PARD3: variants seen among roughly 807,000 people sequenced by gnomAD.
PARD3 encodes the protein par-3 family cell polarity regulator, also known as partitioning defective 3 homolog.
PARD3 carries 75 observed loss-of-function variants against 155.4 expected under a neutral mutation model. The ratio of observed to expected loss-of-function variants is 0.48; its 90% CI spans 0.40 to 0.58. The LOEUF is 0.58. Ranked by LOEUF, PARD3 falls within the 20% of genes least tolerant of loss-of-function variation. The probability of loss-of-function intolerance (pLI) is 0.00; values close to 1 mark genes in which losing one functional copy is unlikely to be tolerated. For synonymous variants in PARD3, 576 were observed against 610.5 expected, an observed-to-expected ratio of 0.94 and a Z score of 0.83; for missense variants, 1,642 against 1,721.7, an observed-to-expected ratio of 0.95 and a Z score of 0.82.
intron 4 of PARD3, among the ~76,000 whole-genome samples, chr10:34,453,651 G>C (rs1042019267): frequency 6.6e-6 from 1 of 152,152 alleles, no homozygotes; most frequent in Non-Finnish European, 1.5e-5. Flanking sequence ...TGTATTTTTA[G>C]ATTTATACTA....
At chr10:34,364,349 A>G (rs975063755) in intron 12 of PARD3, among the ~76,000 whole-genome samples, 1 of 152,208 alleles carries the variant, frequency 6.6e-6, no homozygotes. Flanking sequence ...TTGTAACAAA[A>G]TACGTGACTC....
intron 2 of PARD3, among the ~76,000 whole-genome samples, chr10:34,645,951 T>A (rs2092824387): frequency 6.6e-6 from 1 of 152,244 alleles, no homozygotes; most frequent in South Asian, 2.1e-4. Context: ...TCTCTTTAAC[T>A]GATTAGCTCT....
intron 2 of PARD3, among the ~76,000 whole-genome samples, chr10:34,549,309 T>C (rs1029060205): frequency 3.9e-5 from 6 of 152,216 alleles, no homozygotes; most frequent in African/African-American, 1.4e-4. Context: ...AAATAATTTT[T>C]TCCTTTGAAA....
intron 20 of PARD3, among the ~76,000 whole-genome samples, chr10:34,303,676 T>C (rs1318086158): frequency 6.6e-6 from 1 of 151,980 alleles, no homozygotes; most frequent in African/African-American, 2.4e-5. Context: ...AAGGTCAGGT[T>C]TGAGGATCCC....
intron 2 of PARD3, among the ~76,000 whole-genome samples, chr10:34,643,683 A>T (rs1377209439): frequency 6.6e-6 from 1 of 152,234 alleles, no homozygotes; most frequent in East Asian, 1.9e-4. Flanking sequence ...GAGAGGTACA[A>T]CTGGGGAGGA....
intron 5 of PARD3, among the ~76,000 whole-genome samples, chr10:34,424,344 C>G (rs182925354): frequency 6.6e-6 from 1 of 152,180 alleles, no homozygotes; most frequent in Admixed American, 6.5e-5. Context: ...TCATAATAAT[C>G]TGTTGGAAGA....
chr10:34,806,712 G>A (rs7095915), intron 1 of PARD3, among the ~76,000 whole-genome samples: 4,792 of 152,268 alleles, frequency 0.031, 250 homozygotes, highest in African/African-American at 0.11. Flanking sequence ...AAGTTGGGGG[G>A]GTCGGGGTGA....
chr10:34,659,662 T>G, intron 2 of PARD3, among the ~76,000 whole-genome samples: 1 of 152,224 alleles, frequency 6.6e-6, no homozygotes, highest in South Asian at 2.1e-4. Flanking sequence ...TCAATTTACA[T>G]TTTTAATGTA....
chr10:34,702,533 G>T (rs1020820717), intron 1 of PARD3, among the ~76,000 whole-genome samples: 1 of 152,148 alleles, frequency 6.6e-6, no homozygotes, highest in Non-Finnish European at 1.5e-5. Flanking sequence ...AGCAGGTCTG[G>T]ACTGAGAAAC....
chr10:34,762,474 T>C (rs1033010434), intron 1 of PARD3, among the ~76,000 whole-genome samples: 1 of 146,246 alleles, frequency 6.8e-6, no homozygotes, highest in Non-Finnish European at 1.5e-5. Context: ...CCTGACTTTT[T>C]TTTTTTTTTT....
chr10:34,735,694 A>C (rs1018963821), intron 1 of PARD3, among the ~76,000 whole-genome samples: 36 of 152,346 alleles, frequency 2.4e-4, no homozygotes, highest in African/African-American at 8.4e-4. Context: ...GATTCTCATC[A>C]GGCCCTTTGC....
intron 1 of PARD3, among the ~76,000 whole-genome samples, chr10:34,701,328 C>G (rs1401632457): frequency 9.7e-6 from 1 of 103,054 alleles, no homozygotes; most frequent in Admixed American, 1.1e-4. Flanking sequence ...ACAATACACG[C>G]GGGGATGTTG....
chr10:34,630,339 G>A (rs1004018729), intron 2 of PARD3, among the ~76,000 whole-genome samples: 3 of 152,162 alleles, frequency 2.0e-5, no homozygotes, highest in Non-Finnish European at 2.9e-5. Context: ...CTGCAGGAAT[G>A]CAGCTTTTCA....
intron 14 of PARD3, among the ~76,000 whole-genome samples, chr10:34,352,220 G>A (rs1421476477): frequency 6.6e-6 from 1 of 152,126 alleles, no homozygotes; most frequent in Non-Finnish European, 1.5e-5. Flanking sequence ...TCATATAGAG[G>A]CTATTTTCAA....
chr10:34,398,693 C>G (rs1316677998), intron 7 of PARD3, among the ~76,000 whole-genome samples: 1 of 152,080 alleles, frequency 6.6e-6, no homozygotes, highest in South Asian at 2.1e-4. Context: ...AAAAATATCA[C>G]AACAGTCCTT....
At chr10:34,520,155 G>A (rs549383738) in intron 2 of PARD3, among the ~76,000 whole-genome samples, 3 of 152,108 alleles carry the variant, frequency 2.0e-5, no homozygotes, top group Admixed American at 6.6e-5. Context: ...TGGCTTTGTC[G>A]TTTGGAACAA....
At chr10:34,543,271 C>CA (rs780017615) in intron 2 of PARD3, among the ~76,000 whole-genome samples, 196 of 151,362 alleles carry the variant, frequency 1.3e-3, no homozygotes, top group Non-Finnish European at 2.0e-3. Flanking sequence ...ACCCTGTCTC[C>CA]AAAAAATAAA....
chr10:34,149,169 A>AC (rs1206938529), intron 22 of PARD3, among the ~76,000 whole-genome samples: 5 of 152,148 alleles, frequency 3.3e-5, no homozygotes, highest in Non-Finnish European at 7.4e-5. Flanking sequence ...ATAATTGATG[A>AC]CCATTTGAGT....
intron 2 of PARD3, among the ~76,000 whole-genome samples, chr10:34,565,860 T>A (rs2085899553): frequency 6.6e-6 from 1 of 152,250 alleles, no homozygotes; most frequent in South Asian, 2.1e-4. Context: ...TGGCTTTTCA[T>A]AATTTGTTCC....
Sources: gnomAD v4.1 joint callset for allele counts (sites outside exome capture counted in the v4.1 genomes callset) on GRCh38, gnomAD v4.1.1 for gene constraint, MANE v1.5 for transcripts, NCBI Gene and HGNC (gene_info 2026-07-23, HGNC 2026-07-21) for gene names.